ARMH3: variants seen among roughly 807,000 people sequenced by gnomAD.
The protein encoded by ARMH3 is armadillo-like helical domain-containing protein 3.
ARMH3 carries 60 observed loss-of-function variants against 99.1 expected under a neutral mutation model. The ratio of observed to expected loss-of-function variants is 0.61; its 90% CI spans 0.49 to 0.75. The LOEUF (loss-of-function observed/expected upper bound fraction) is 0.75, where lower values mean the gene tolerates loss of function less well. Among genes scored for constraint, ARMH3 ranks in the 30% least tolerant of loss-of-function variants. The probability of loss-of-function intolerance (pLI) is 0.00; values close to 1 mark genes in which losing one functional copy is unlikely to be tolerated. For synonymous variants in ARMH3, 285 were observed against 292.8 expected, an observed-to-expected ratio of 0.97 and a Z score of 0.27; for missense variants, 679 against 843.1, an observed-to-expected ratio of 0.81 and a Z score of 2.41.
At chr10:101,914,941 AT>A (rs1843016697) in intron 23 of ARMH3, among the ~76,000 whole-genome samples, 1 of 150,312 alleles carries the variant, frequency 6.7e-6, no homozygotes. Flanking sequence ...ATTAAAACTT[AT>A]TTTTACAAGG....
intron 24 of ARMH3, among the ~76,000 whole-genome samples, chr10:101,858,195 G>C (rs968603737): frequency 3.3e-5 from 5 of 152,242 alleles, no homozygotes; most frequent in Non-Finnish European, 5.9e-5. Context: ...GCAGGTCACT[G>C]TTGGGTCTAG....
At chr10:101,893,647 AAC>A (rs2067746848) in intron 23 of ARMH3, among the ~76,000 whole-genome samples, 1 of 152,006 alleles carries the variant, frequency 6.6e-6, no homozygotes, top group African/African-American at 2.4e-5. Context: ...TTCACAAGGA[AAC>A]AAAGCAAGGA....
At chr10:102,016,498 A>G (rs1437084771) in intron 8 of ARMH3, among the ~76,000 whole-genome samples, 2 of 152,202 alleles carry the variant, frequency 1.3e-5, no homozygotes, top group Non-Finnish European at 2.9e-5. Context: ...TTATTATCAC[A>G]TTCAAAGGAA....
intron 20 of ARMH3, among the ~76,000 whole-genome samples, chr10:101,962,833 T>C (rs888749544): frequency 1.3e-5 from 2 of 152,174 alleles, no homozygotes; most frequent in African/African-American, 2.4e-5. Context: ...TTGTTGGGGA[T>C]ACAGGAGCTA....
At chr10:101,848,980 C>T (rs1275574909) in intron 25 of ARMH3, among the ~76,000 whole-genome samples, 2 of 152,172 alleles carry the variant, frequency 1.3e-5, no homozygotes, top group African/African-American at 4.8e-5. Context: ...CAGAGTTGGG[C>T]TGTGTTTAGC....
chr10:102,029,929 T>C (rs975063306), intron 4 of ARMH3, among the ~76,000 whole-genome samples, 184 bp from the exon 5 acceptor site: 2 of 145,572 alleles, frequency 1.4e-5, no homozygotes, highest in South Asian at 4.3e-4. Context: ...TGTTTGTTTG[T>C]TTTTTTTTTT....
intron 23 of ARMH3, among the ~76,000 whole-genome samples, chr10:101,926,949 G>T (rs1843531830): frequency 6.6e-6 from 1 of 152,106 alleles, no homozygotes; most frequent in Non-Finnish European, 1.5e-5. Flanking sequence ...GTTTGGATTG[G>T]TATATAGACT....
At chr10:101,970,786 C>G (rs1845731356) in intron 20 of ARMH3, among the ~76,000 whole-genome samples, 1 of 152,040 alleles carries the variant, frequency 6.6e-6, no homozygotes, top group Non-Finnish European at 1.5e-5. Flanking sequence ...GATTGTGCCG[C>G]TGCACTCCAG....
chr10:101,919,851 A>T (rs1315202189), intron 23 of ARMH3, among the ~76,000 whole-genome samples: 1 of 152,156 alleles, frequency 6.6e-6, no homozygotes, highest in Non-Finnish European at 1.5e-5. Context: ...CACTGGCTTA[A>T]CGTAGATTCT....
intron 20 of ARMH3, among the ~76,000 whole-genome samples, chr10:101,964,119 G>A (rs909933478): frequency 2.6e-5 from 4 of 152,006 alleles, no homozygotes; most frequent in African/African-American, 7.3e-5. Flanking sequence ...CTCGTGATCC[G>A]CCCACTTCGG....
At chr10:101,991,534 A>G (rs944920198) in intron 18 of ARMH3, among the ~76,000 whole-genome samples, 2 of 152,114 alleles carry the variant, frequency 1.3e-5, no homozygotes, top group Non-Finnish European at 1.5e-5. Context: ...GCGCACGCCA[A>G]CACGACCAGC....
intron 2 of ARMH3, among the ~76,000 whole-genome samples, chr10:102,038,266 T>C (rs2067325387): frequency 6.6e-6 from 1 of 151,792 alleles, no homozygotes; most frequent in Non-Finnish European, 1.5e-5. Context: ...AGCTAATTTT[T>C]TGTATTTTTA....
intron 23 of ARMH3, among the ~76,000 whole-genome samples, chr10:101,894,958 G>A (rs1304858711): frequency 6.6e-6 from 1 of 151,522 alleles, no homozygotes; most frequent in Non-Finnish European, 1.5e-5. Flanking sequence ...TCATAAGCCA[G>A]GAAGACAGCT....
At chr10:101,979,888 T>G (rs1170920477) in intron 19 of ARMH3, among the ~76,000 whole-genome samples, 1 of 152,240 alleles carries the variant, frequency 6.6e-6, no homozygotes, top group Non-Finnish European at 1.5e-5. Context: ...CAATTAACTA[T>G]GATCTCAGCC....
intron 22 of ARMH3, among the ~76,000 whole-genome samples, chr10:101,953,531 C>G (rs767949991): frequency 5.5e-4 from 81 of 148,154 alleles, no homozygotes; most frequent in Non-Finnish European, 1.0e-3. Flanking sequence ...ACGTCAGCCA[C>G]CGTGCCCAGC....
chr10:101,991,537 C>T (rs536309712), intron 18 of ARMH3, among the ~76,000 whole-genome samples: 26 of 152,282 alleles, frequency 1.7e-4, no homozygotes, highest in East Asian at 7.7e-4. Flanking sequence ...CACGCCAACA[C>T]GACCAGCTAA....
chr10:101,976,918 T>A (rs1168644103), intron 19 of ARMH3, among the ~76,000 whole-genome samples: 1 of 152,104 alleles, frequency 6.6e-6, no homozygotes, highest in Non-Finnish European at 1.5e-5. Flanking sequence ...CTCCCCAAGT[T>A]CTGGGATTAC....
At chr10:102,039,809 AAC>A (rs1295804964) in intron 2 of ARMH3, among the ~76,000 whole-genome samples, 1 of 152,188 alleles carries the variant, frequency 6.6e-6, no homozygotes, top group Non-Finnish European at 1.5e-5. Context: ...CTATAAGGAC[AAC>A]ACAATAACAA....
intron 8 of ARMH3, among the ~76,000 whole-genome samples, chr10:102,020,248 T>C (rs1404161855): frequency 6.6e-6 from 1 of 150,952 alleles, no homozygotes; most frequent in African/African-American, 2.4e-5. Context: ...ATCAAGTCGA[T>C]AGTTGGCCAG....
Sources: gnomAD v4.1 joint callset for allele counts (sites outside exome capture counted in the v4.1 genomes callset) on GRCh38, gnomAD v4.1.1 for gene constraint, MANE v1.5 for transcripts, NCBI Gene and HGNC (gene_info 2026-07-23, HGNC 2026-07-21) for gene names.